Variants in DNAI1 observed in about 807,000 individuals in gnomAD.
DNAI1 encodes the protein dynein axonemal intermediate chain 1.
DNAI1 carries 67 observed loss-of-function variants against 92.0 expected under a neutral mutation model. The observed-to-expected ratio is 0.73, with a 90% CI of 0.60 to 0.89. The LOEUF (loss-of-function observed/expected upper bound fraction) is 0.89, where lower values mean the gene tolerates loss of function less well. Among genes scored for constraint, DNAI1 ranks in the 40% least tolerant of loss-of-function variants. DNAI1 has a pLI of 0.00. For synonymous variants in DNAI1, 323 were observed against 319.6 expected, an observed-to-expected ratio of 1.01 and a Z score of -0.11; for missense variants, 839 against 866.6, an observed-to-expected ratio of 0.97 and a Z score of 0.40.
intron 1 of DNAI1, among the ~76,000 whole-genome samples, chr9:34,468,495 GT>G (rs1824080906): frequency 8.5e-6 from 1 of 117,074 alleles, no homozygotes; most frequent in Non-Finnish European, 2.2e-5. Context: ...GGCCAAGAAG[GT>G]TTTGTTTTGT....
At chr9:34,493,564 T>C (rs1029345739) in intron 9 of DNAI1, among the ~76,000 whole-genome samples, 2 of 152,022 alleles carry the variant, frequency 1.3e-5, no homozygotes, top group African/African-American at 4.8e-5. Context: ...ATTTCAGAAT[T>C]ATTGAGCTAG....
chr9:34,516,261 G>C (rs1311611375), intron 18 of DNAI1, among the ~76,000 whole-genome samples: 1 of 152,206 alleles, frequency 6.6e-6, no homozygotes, highest in East Asian at 1.9e-4. Flanking sequence ...GTGAGAGTGG[G>C]GAGGTGGGCT....
At chr9:34,513,028 C>T (rs1825099210) in intron 15 of DNAI1, 84 bp from the exon 16 acceptor site, 6 of 1,100,732 alleles carry the variant, frequency 5.5e-6, no homozygotes, top group Non-Finnish European at 7.0e-6. Context: ...AGTGCCTGGG[C>T]TGAGCTCCTC....
Position 34,459,056 on chromosome 9 carries a change from A to G in DNAI1, c.48+3A>G, listed in dbSNP as rs771238788. Reference sequence around the variant, plus strand: ...CCCATAAACAGCCTCATAAGCAGGTAACGTACGCACACCTTCCTTCTGATG... The same window carrying G: ...CCCATAAACAGCCTCATAAGCAGGTGACGTACGCACACCTTCCTTCTGATG... On this transcript the variant is annotated splice_donor_region_variant and intron_variant, in intron 1 of 19. Transcript: ENST00000242317. The G allele has an allele frequency of 1.9e-5, 31 of 1,613,742 alleles. No individual in the cohort carries two copies. In the Admixed American group the frequency reaches 3.3e-4, roughly 17 times the overall value.
intron 1 of DNAI1, among the ~76,000 whole-genome samples, chr9:34,473,534 C>A (rs1172205316): frequency 6.6e-6 from 1 of 152,124 alleles, no homozygotes; most frequent in African/African-American, 2.4e-5. Flanking sequence ...TCAGGTGATC[C>A]ACCCGCCTTG....
At chr9:34,512,259 A>T (rs1264155182) in intron 14 of DNAI1, 61 bp downstream of exon 14, 2 of 1,610,484 alleles carry the variant, frequency 1.2e-6, no homozygotes, top group African/African-American at 2.7e-5. Flanking sequence ...GCTAAATGGC[A>T]AAGGGCAACC....
chr9:34,486,912 A>G (rs1824484521), intron 4 of DNAI1, among the ~76,000 whole-genome samples: 2 of 152,326 alleles, frequency 1.3e-5, no homozygotes, highest in South Asian at 2.1e-4. Context: ...CTCACTTAGC[A>G]TGATGTTTTC....
In DNAI1 at chr9:34,517,332, C is replaced by G; in HGVS notation, c.1866C>G (p.Asn622Lys). Residue 622 changes from asparagine to lysine, a missense_variant, in exon 19 of 20, where the codon AAC becomes AAG. By Grantham distance (94) the Asn-to-Lys change is moderately conservative. Coordinates refer to ENST00000242317, the MANE Select transcript of DNAI1 (RefSeq NM_012144.4). ...TCAACAAGTATGAGGCCATCTGCAA[C>G]CAGCCTGTGGCGGCCAAAAAGAACA... ...LAINKYEAIC[N>K]QPVAAKKNRL... 1.9e-6 allele frequency: 3 copies of G among 1,614,144 alleles called. No individual in the cohort carries two copies. Among genetic ancestry groups the G allele is most frequent in the Non-Finnish European group, 2.5e-6 (3 of 1,180,036 alleles).
chr9:34,489,258 C>T, intron 4 of DNAI1, 65 bp from the exon 5 acceptor site: 13 of 1,582,544 alleles, frequency 8.2e-6, no homozygotes, highest in East Asian at 2.2e-5. Flanking sequence ...AGAATGAAAG[C>T]AGATTACATT....
intron 12 of DNAI1, among the ~76,000 whole-genome samples, 189 bp downstream of exon 12, chr9:34,501,370 A>G (rs1380939753): frequency 6.6e-6 from 1 of 152,262 alleles, no homozygotes; most frequent in Non-Finnish European, 1.5e-5. Flanking sequence ...TCTAAGCTGA[A>G]TGTGTCAATG....
At chr9:34,470,420 T>C (rs1465626783) in intron 1 of DNAI1, among the ~76,000 whole-genome samples, 1 of 151,930 alleles carries the variant, frequency 6.6e-6, no homozygotes, top group African/African-American at 2.4e-5. Context: ...AATGGAAAAA[T>C]AAACTAAGCA....
intron 1 of DNAI1, among the ~76,000 whole-genome samples, chr9:34,472,948 C>T (rs1824169214): frequency 6.6e-6 from 1 of 151,918 alleles, no homozygotes. Context: ...TATTAGTCCC[C>T]TTCCCCACAA....
At chr9:34,505,254 C>G (rs1264697926) in intron 12 of DNAI1, among the ~76,000 whole-genome samples, 1 of 152,166 alleles carries the variant, frequency 6.6e-6, no homozygotes, top group Middle Eastern at 3.2e-3. Context: ...CTTTCCCTCC[C>G]CTTTCCAATT....
intron 1 of DNAI1, among the ~76,000 whole-genome samples, chr9:34,481,827 G>A (rs530053097): frequency 3.3e-5 from 5 of 152,334 alleles, no homozygotes; most frequent in African/African-American, 7.2e-5. Flanking sequence ...TAAAAGCAGC[G>A]TGGACCCAAA....
At chr9:34,459,169 AC>A (rs1823889647) in intron 1 of DNAI1, 116 bp downstream of exon 1, 1 of 985,356 alleles carries the variant, frequency 1.0e-6, no homozygotes, top group Non-Finnish European at 1.6e-6. Context: ...CAGCCTTCTC[AC>A]CCCCGTGACC....
intron 1 of DNAI1, among the ~76,000 whole-genome samples, chr9:34,462,448 C>T (rs1014828563): frequency 6.6e-6 from 1 of 152,054 alleles, no homozygotes; most frequent in African/African-American, 2.4e-5. Flanking sequence ...GGTGATATCC[C>T]CTCTAGACTA....
At chr9:34,478,913 C>T (rs1262655503) in intron 1 of DNAI1, 3 of 152,168 alleles carry the variant, frequency 2.0e-5, no homozygotes, top group Non-Finnish European at 4.4e-5. Context: ...TACGTTTGAT[C>T]ATTCAGTACT....
chr9:34,506,358 CCCTT>C (rs1417205386), intron 12 of DNAI1, among the ~76,000 whole-genome samples: 1 of 152,202 alleles, frequency 6.6e-6, no homozygotes, highest in Admixed American at 6.5e-5. Context: ...GCCAGCATCC[CCCTT>C]TCCTGCACCT....
chr9:34,517,303 G>T lies in DNAI1; in HGVS notation c.1837G>T (p.Ala613Ser). The T allele has an allele frequency of 1.9e-6, 3 of 1,613,894 alleles. No homozygotes were observed. The highest frequency in any genetic ancestry group is 2.5e-6 in the Non-Finnish European group (3 of 1,179,936). The change falls in exon 19 of 20, where the codon GCC becomes TCC. Residue 613 changes from alanine (A) to serine (S), a missense_variant. By Grantham distance (99) the Ala-to-Ser change is moderately conservative (BLOSUM62 1). Transcript: ENST00000242317. ...TDGKAHIFDLAINKYEAICNQ... is the reference protein window; with the variant it reads ...TDGKAHIFDLSINKYEAICNQ... The stretch of plus-strand genomic sequence containing the variant: ...TCCACAGGCCCACATATTTGACTTA[G>T]CCATCAACAAGTATGAGGCCATCTG...
Sources: gnomAD v4.1 joint callset for allele counts (sites outside exome capture counted in the v4.1 genomes callset) on GRCh38, gnomAD v4.1.1 for gene constraint, MANE v1.5 for transcripts, NCBI Gene and HGNC (gene_info 2026-07-23, HGNC 2026-07-21) for gene names.